Variants in SCARB2 observed in about 807,000 individuals in gnomAD.
The protein encoded by SCARB2 is lysosome membrane protein 2.
Under a neutral mutation model 58.6 loss-of-function variants are expected in SCARB2, and 29 were observed. The ratio of observed to expected loss-of-function variants is 0.49; its 90% CI spans 0.37 to 0.67. The LOEUF (loss-of-function observed/expected upper bound fraction) is 0.67. SCARB2 is among the 30% of genes least tolerant of loss of function. SCARB2 has a pLI of 0.00. For missense variants in SCARB2, 488 were observed against 578.5 expected, an observed-to-expected ratio of 0.84 and a Z score of 1.60; for synonymous variants, 195 against 210.1, an observed-to-expected ratio of 0.93 and a Z score of 0.62.
upstream of SCARB2, chr4:76,214,324 T>G (rs1294214185): frequency 4.4e-6 from 2 of 455,008 alleles, no homozygotes; most frequent in African/African-American, 2.0e-5. Context: ...CACATTGAAC[T>G]GGGGCCTGGG....
chr4:76,213,559 C>G lies in SCARB2; in HGVS notation c.-16G>C, dbSNP rs375715656. ...ATCGGCCCATTCTGTGCGCCGCTCA[C>G]GGGCCGGGCCGGGCCGCACCCGCCA... is the stretch of plus-strand genomic sequence containing the variant. On this transcript the variant is annotated 5_prime_UTR_variant, in exon 1 of 12. Transcript: ENST00000264896. 2 of 1,575,884 alleles carry G rather than the reference C, an allele frequency of 1.3e-6. No individual in the cohort carries two copies. The highest frequency in any genetic ancestry group is 1.7e-4 in the Middle Eastern group (1 of 5,870).
At chr4:76,217,677 A>T, upstream of SCARB2, 1 of 640,156 alleles carries the variant, frequency 1.6e-6, no homozygotes, top group Non-Finnish European at 2.8e-6. Context: ...TCTTTTCACT[A>T]CCCAATCTCA....
chr4:76,212,686 T>C (rs1439228681), intron 1 of SCARB2, among the ~76,000 whole-genome samples: 1 of 152,170 alleles, frequency 6.6e-6, no homozygotes, highest in African/African-American at 2.4e-5. Flanking sequence ...AAATGACCAG[T>C]GAAATCAAAA....
chr4:76,166,859 C>A (rs1732019713), intron 9 of SCARB2: 1 of 155,198 alleles, frequency 6.4e-6, no homozygotes, highest in African/African-American at 2.4e-5. Flanking sequence ...AAGATTCCAG[C>A]TCTTAACTAC....
Position 76,169,748 on chromosome 4 carries a change from A to G in SCARB2, c.1113+119T>C. 3.4e-6 allele frequency: 3 copies of G among 870,732 alleles called. No individual in the cohort carries two copies. The East Asian group carries it at 7.4e-5, about 21-fold the overall frequency. 53.9% of individuals were successfully genotyped at this position (870,732 alleles called of 1,614,324 possible). A position where few individuals can be genotyped will look rare whatever the true frequency, so the allele number is the denominator to read the frequency against. On this transcript the variant is annotated intron_variant, in intron 8 of 11. Transcript: ENST00000264896. ...ATCAGCACTGAGCTGAATTTCTCCCACTTGAATATGTATATGAAAGTAAGG... is the reference window on the plus strand; with the variant it reads ...ATCAGCACTGAGCTGAATTTCTCCCGCTTGAATATGTATATGAAAGTAAGG...
chr4:76,210,175 T>C (rs1733016312), intron 1 of SCARB2, among the ~76,000 whole-genome samples: 1 of 152,194 alleles, frequency 6.6e-6, no homozygotes, highest in South Asian at 2.1e-4. Flanking sequence ...AGATATCATA[T>C]TATTTCATTC....
At chr4:76,189,375 C>T (rs1337075247) in intron 2 of SCARB2, among the ~76,000 whole-genome samples, 1 of 152,172 alleles carries the variant, frequency 6.6e-6, no homozygotes, top group Non-Finnish European at 1.5e-5. Context: ...CTGGGGAGGC[C>T]TCAGGAAACT....
chr4:76,191,715 TTCTC>T (rs1375233091), intron 2 of SCARB2: 4 of 152,184 alleles, frequency 2.6e-5, no homozygotes, highest in African/African-American at 4.8e-5. Context: ...CTTTTCTTTC[TTCTC>T]TCTCTTTCTC....
At chr4:76,164,252 A>G (rs1313028640) in intron 10 of SCARB2, 1 of 152,328 alleles carries the variant, frequency 6.6e-6, no homozygotes, top group Non-Finnish European at 1.5e-5. Context: ...ACACGCCTAT[A>G]ATCCCAGCAC....
In SCARB2 at chr4:76,213,408, A is replaced by G. The variant is rs774812479; in HGVS notation, c.117+19T>C. On this transcript the variant is annotated intron_variant, in intron 1 of 11. Coordinates refer to ENST00000264896, the MANE Select transcript of SCARB2 (RefSeq NM_005506.4). ...AGCTGGACGACTCCACAACACACAC[A>G]CAGCCCGCCCCGCCTCACCTTCTCG... The G allele has an allele frequency of 3.6e-5, 56 of 1,558,674 alleles. 1 individual carries two copies. In the South Asian group the frequency reaches 6.2e-4, roughly 17 times the overall value.
chr4:76,232,540 A>G (rs991115825), intron 1 of SCARB2, among the ~76,000 whole-genome samples: 3 of 152,266 alleles, frequency 2.0e-5, no homozygotes, highest in African/African-American at 7.2e-5. Context: ...ATAAGTTAAC[A>G]TAACAACCTT....
intron 2 of SCARB2, among the ~76,000 whole-genome samples, chr4:76,188,581 A>G (rs940692659): frequency 6.6e-5 from 10 of 152,198 alleles, no homozygotes; most frequent in Non-Finnish European, 1.2e-4. Flanking sequence ...AAGGGGCTAC[A>G]TGCCCTCCCC....
At chr4:76,190,785 A>AAAACAAAC (rs368133246) in intron 2 of SCARB2, among the ~76,000 whole-genome samples, 98 of 152,046 alleles carry the variant, frequency 6.4e-4, no homozygotes, top group African/African-American at 2.3e-3. Context: ...CTCTGTCTCA[A>AAAACAAAC]AAACAAACAA....
At chr4:76,167,499 G>A (rs1028944191) in intron 9 of SCARB2, among the ~76,000 whole-genome samples, 4 of 152,178 alleles carry the variant, frequency 2.6e-5, no homozygotes, top group East Asian at 1.9e-4. Flanking sequence ...CCCATGTGAC[G>A]TGCTTTATTC....
At chr4:76,196,257 G>A (rs1036028515) in intron 1 of SCARB2, among the ~76,000 whole-genome samples, 1 of 152,250 alleles carries the variant, frequency 6.6e-6, no homozygotes, top group Non-Finnish European at 1.5e-5. Flanking sequence ...GGAGGCTGAG[G>A]CAGTAGACTT....
At chr4:76,214,768 C>T (rs993424965), upstream of SCARB2, among the ~76,000 whole-genome samples, 3 of 152,186 alleles carry the variant, frequency 2.0e-5, no homozygotes, top group Non-Finnish European at 2.9e-5. Context: ...TCATTTAATA[C>T]CCTTGGCAGT....
intron 1 of SCARB2, among the ~76,000 whole-genome samples, chr4:76,224,501 TAAG>T (rs1183222832): frequency 5.9e-5 from 9 of 152,186 alleles, no homozygotes; most frequent in African/African-American, 1.4e-4. Context: ...TTAAAGCTTT[TAAG>T]AAGATGTTCA....
At chr4:76,165,746 T>C (rs2109933839) in intron 10 of SCARB2, 1 of 151,636 alleles carries the variant, frequency 6.6e-6, no homozygotes, top group East Asian at 2.0e-4. Flanking sequence ...AAGAATTTAT[T>C]GAAGAAAAAA....
intron 1 of SCARB2, among the ~76,000 whole-genome samples, chr4:76,230,749 C>T (rs531446787): frequency 6.6e-6 from 1 of 152,304 alleles, no homozygotes; most frequent in Non-Finnish European, 1.5e-5. Context: ...GACTTACACT[C>T]ATGAAGCAGG....
Sources: gnomAD v4.1 joint callset for allele counts (sites outside exome capture counted in the v4.1 genomes callset) on GRCh38, gnomAD v4.1.1 for gene constraint, MANE v1.5 for transcripts, NCBI Gene and HGNC (gene_info 2026-07-23, HGNC 2026-07-21) for gene names.